The following SOX6 variants were observed in gnomAD, a reference collection of about 807,000 sequenced individuals.
SOX6 encodes SRY-box transcription factor 6.
SOX6 carries 11 observed loss-of-function variants against 97.8 expected under a neutral mutation model. That is an observed-to-expected ratio of 0.11 (90% CI 0.07 to 0.19). The LOEUF is 0.19. Among genes scored for constraint, SOX6 ranks in the 10% least tolerant of loss-of-function variants. The pLI is 1.00. For synonymous variants in SOX6, 360 were observed against 371.4 expected (o/e 0.97, Z 0.35); for missense variants, 810 against 1,039.5 (o/e 0.78, Z 3.04).
In SOX6 at chr11:16,613,317, G is replaced by T. The variant is rs1230628820; in HGVS notation, n.430-1057C>A. The T allele has an allele frequency of 6.6e-6, 1 of 152,388 alleles. No homozygotes were observed. The highest frequency in any genetic ancestry group is 1.9e-4 in the East Asian group (1 of 5,186). The allele number at this position is 152,388 out of a possible 1,614,324, so 9.4% of individuals were successfully genotyped here. A position where few individuals can be genotyped will look rare whatever the true frequency, so the allele number is the denominator to read the frequency against. On this transcript the variant is annotated intron_variant and non_coding_transcript_variant, in intron 3 of 5. Transcript: ENST00000524520. This position sits in a 1 kb window ranked among gnomAD's most constrained non-coding sequence, Gnocchi z 4.6. Reference sequence around the variant, plus strand: ...CTCAGATCAGCCGGCATGCACCCTGGAGAAGGGCACAAACACGGCGGGGGC... The same window carrying T: ...CTCAGATCAGCCGGCATGCACCCTGTAGAAGGGCACAAACACGGCGGGGGC...
intron 12 of SOX6, among the ~76,000 whole-genome samples, chr11:16,042,563 A>G (rs1855699482): frequency 6.6e-6 from 1 of 152,200 alleles, no homozygotes; most frequent in South Asian, 2.1e-4. Context: ...ACAATTAACT[A>G]GGAATCAGGA....
chr11:16,554,619 T>C (rs1284041489), intron 4 of SOX6, among the ~76,000 whole-genome samples: 2 of 152,126 alleles, frequency 1.3e-5, no homozygotes, highest in Non-Finnish European at 2.9e-5. Flanking sequence ...AAAACCTTCC[T>C]TACTCTCTTA....
chr11:16,265,653 C>T (rs1029807882), intron 3 of SOX6, among the ~76,000 whole-genome samples: 4 of 151,644 alleles, frequency 2.6e-5, no homozygotes, highest in African/African-American at 9.7e-5. Flanking sequence ...TTAAAATTAA[C>T]AAAGACATTA....
chr11:16,418,828 T>G, intron 1 of SOX6, among the ~76,000 whole-genome samples: 1 of 152,166 alleles, frequency 6.6e-6, no homozygotes. Flanking sequence ...CATAATGAGA[T>G]GCATTGTCAG....
intron 3 of SOX6, among the ~76,000 whole-genome samples, chr11:16,257,113 T>C (rs1389620726): frequency 6.6e-6 from 1 of 151,914 alleles, no homozygotes; most frequent in Admixed American, 6.6e-5. Flanking sequence ...AGACTCAATA[T>C]TGTCAAGATG....
At chr11:16,056,094 T>A (rs2133921651) in intron 9 of SOX6, among the ~76,000 whole-genome samples, 193 bp from the exon 10 acceptor site, 2 of 152,028 alleles carry the variant, frequency 1.3e-5, no homozygotes, top group Admixed American at 1.3e-4. Flanking sequence ...GAGCCATAGT[T>A]CTGTTTCTGG....
chr11:16,059,979 T>C (rs185078705), intron 9 of SOX6, among the ~76,000 whole-genome samples: 4 of 152,032 alleles, frequency 2.6e-5, no homozygotes, highest in African/African-American at 9.6e-5. Flanking sequence ...AACCAATATA[T>C]CCTACTATGA....
Position 16,437,754 on chromosome 11 carries a change from A to G in SOX6, c.-5+38561T>C, listed in dbSNP as rs527457826. ...CACCTGTAAACTACATAATATGGGG[A>G]AAATTATTTAACTTGTCTGTGCTGA... On this transcript the variant is annotated intron_variant, in intron 1 of 15. Transcript: ENST00000396356. Among the ~76,000 whole-genome samples, 7 of 135,750 alleles carry G rather than the reference A, an allele frequency of 5.2e-5. No individual in the cohort carries two copies. The East Asian group carries it at 7.7e-4, about 15-fold the overall frequency. 89.1% of individuals were successfully genotyped at this position (135,750 alleles called of 152,430 possible).
intron 13 of SOX6, among the ~76,000 whole-genome samples, chr11:16,000,960 G>A (rs958200596): frequency 1.7e-4 from 26 of 152,164 alleles, no homozygotes; most frequent in African/African-American, 3.9e-4. Flanking sequence ...GGATTCAAGC[G>A]ATTCTCCTGC....
At chr11:16,520,395 G>A (rs1861040051) in intron 4 of SOX6, among the ~76,000 whole-genome samples, 1 of 152,172 alleles carries the variant, frequency 6.6e-6, no homozygotes, top group Non-Finnish European at 1.5e-5. Flanking sequence ...TACAGGGGTT[G>A]TTTCTATCTT....
intron 6 of SOX6, among the ~76,000 whole-genome samples, chr11:16,132,466 A>AAG (rs1241323279): frequency 1.5e-4 from 22 of 143,748 alleles, no homozygotes; most frequent in African/African-American, 5.6e-4. Context: ...GAAAGAAAGA[A>AAG]AGAAAGAAAG....
chr11:16,256,387 C>T (rs1046540468), intron 3 of SOX6, among the ~76,000 whole-genome samples: 24 of 151,832 alleles, frequency 1.6e-4, no homozygotes, highest in Non-Finnish European at 3.1e-4. Flanking sequence ...TTATGCTAGG[C>T]TGGCTCACCA....
intron 2 of SOX6, among the ~76,000 whole-genome samples, chr11:16,731,196 C>T (rs780343344): frequency 5.3e-5 from 8 of 151,918 alleles, no homozygotes; most frequent in Non-Finnish European, 7.4e-5. Flanking sequence ...CCATTCCTTC[C>T]GAAACTATTC....
At chr11:16,181,260 A>T (rs1851338699) in intron 6 of SOX6, among the ~76,000 whole-genome samples, 1 of 151,778 alleles carries the variant, frequency 6.6e-6, no homozygotes, top group Non-Finnish European at 1.5e-5. Context: ...AAAAGTGTCA[A>T]ACTTGCTCAA....
chr11:16,278,236 T>C (rs1854454724), intron 3 of SOX6, among the ~76,000 whole-genome samples: 1 of 152,046 alleles, frequency 6.6e-6, no homozygotes, highest in African/African-American at 2.4e-5. Flanking sequence ...CCAAAAAAAA[T>C]GCAGTTTATT....
At chr11:16,719,894 C>A (rs538606677) in intron 2 of SOX6, among the ~76,000 whole-genome samples, 101 of 152,186 alleles carry the variant, frequency 6.6e-4, no homozygotes, top group African/African-American at 2.3e-3. Flanking sequence ...GGCAACAGAA[C>A]AAAATTGTCT....
At chr11:16,181,027 T>C (rs1166605243) in intron 6 of SOX6, among the ~76,000 whole-genome samples, 1 of 151,632 alleles carries the variant, frequency 6.6e-6, no homozygotes, top group Non-Finnish European at 1.5e-5. Flanking sequence ...TGTGTCTGTG[T>C]GGGGTTGTTA....
chr11:16,606,442 C>G (rs1471967142), intron 4 of SOX6, among the ~76,000 whole-genome samples: 1 of 152,174 alleles, frequency 6.6e-6, no homozygotes, highest in Non-Finnish European at 1.5e-5. Context: ...TCAAAGCCGA[C>G]ACGCATTTGC....
At chr11:16,216,153 C>T (rs1565025916) in intron 4 of SOX6, among the ~76,000 whole-genome samples, 1 of 152,194 alleles carries the variant, frequency 6.6e-6, no homozygotes, top group Non-Finnish European at 1.5e-5. Context: ...ATAAAATACA[C>T]AAAATCACTG....
Sources: allele counts gnomAD v4.1 joint callset (sites outside exome capture counted in the v4.1 genomes callset), GRCh38; gene constraint gnomAD v4.1.1; non-coding constraint Gnocchi (gnomAD v3.1); transcripts MANE v1.5; gene names NCBI Gene and HGNC (gene_info 2026-07-23, HGNC 2026-07-21).